C6: variants seen among roughly 807,000 people sequenced by gnomAD.
C6 encodes complement component C6.
A neutral mutation model predicts 112.9 loss-of-function variants in C6; 101 were observed. That is an observed-to-expected ratio of 0.89 (90% CI 0.76 to 1.06). C6 has a LOEUF of 1.06. C6 is among the 50% of genes least tolerant of loss of function. The pLI is 0.00. For missense variants in C6, 1,202 were observed against 1,104.6 expected, an observed-to-expected ratio of 1.09 and a Z score of -1.25; for synonymous variants, 431 against 384.1, an observed-to-expected ratio of 1.12 and a Z score of -1.43.
chr5:41,204,877 G>A (rs1751312444), intron 1 of C6, among the ~76,000 whole-genome samples: 1 of 151,906 alleles, frequency 6.6e-6, no homozygotes, highest in South Asian at 2.1e-4. Flanking sequence ...CACTGCGTTA[G>A]CCAGGGTGGT....
intron 1 of C6, among the ~76,000 whole-genome samples, chr5:41,220,655 G>T (rs1382831979): frequency 6.6e-6 from 1 of 151,870 alleles, no homozygotes; most frequent in Non-Finnish European, 1.5e-5. Context: ...ATGATGTTGG[G>T]CCTCTTTTCA....
chr5:41,214,575 T>C (rs886429053), upstream of C6, among the ~76,000 whole-genome samples: 2 of 152,158 alleles, frequency 1.3e-5, no homozygotes, highest in African/African-American at 4.8e-5. Context: ...AGTGGTGTGC[T>C]GCAGACCAGT....
intron 6 of C6, among the ~76,000 whole-genome samples, chr5:41,185,487 C>T (rs181723060): frequency 4.6e-5 from 7 of 152,226 alleles, no homozygotes; most frequent in Admixed American, 1.3e-4. Context: ...TTTAGTGCAA[C>T]GAGTATGGAG....
In C6 at chr5:41,153,969, C is replaced by T; in HGVS notation, c.2131G>A (p.Glu711Lys). The change falls in exon 15 of 18, where the codon GAA becomes AAA. Residue 711 changes from glutamate to lysine, a missense_variant. Coordinates refer to ENST00000337836, the MANE Select transcript of C6 (RefSeq NM_000065.5). ...TGAAATGGTGTAATTGTCAGGACTTCCTGCACAACTGGCTTGATGCACTCC... is the reference window on the plus strand; with the variant it reads ...TGAAATGGTGTAATTGTCAGGACTTTCTGCACAACTGGCTTGATGCACTCC... ...RTECIKPVVQ[E>K]VLTITPFQRL... The T allele has an allele frequency of 6.2e-7, 1 of 1,613,808 alleles. No individual in the cohort carries two copies. The highest frequency in any genetic ancestry group is 2.2e-5 in the East Asian group (1 of 44,842).
At chr5:41,249,624 C>A (rs1476200346) in intron 1 of C6, among the ~76,000 whole-genome samples, 1 of 152,170 alleles carries the variant, frequency 6.6e-6, no homozygotes, top group African/African-American at 2.4e-5. Flanking sequence ...TGAATATTGG[C>A]TAAATTGTTT....
chr5:41,160,968 A>G (rs1371773249), intron 10 of C6, among the ~76,000 whole-genome samples: 1 of 152,196 alleles, frequency 6.6e-6, no homozygotes, highest in African/African-American at 2.4e-5. Context: ...TTCTAGTGCA[A>G]TATGACTTGC....
At chr5:41,206,245 G>A (rs1030182925) in intron 1 of C6, among the ~76,000 whole-genome samples, 1 of 152,174 alleles carries the variant, frequency 6.6e-6, no homozygotes, top group Non-Finnish European at 1.5e-5. Flanking sequence ...ACCAAAGGTA[G>A]ATAAAACCAC....
chr5:41,232,934 G>A (rs1231089263), intron 1 of C6, among the ~76,000 whole-genome samples: 1 of 151,800 alleles, frequency 6.6e-6, no homozygotes, highest in African/African-American at 2.4e-5. Context: ...TGTAAACCCA[G>A]TATCTATTAC....
chr5:41,146,136 A>G (rs1745799936), intron 17 of C6, among the ~76,000 whole-genome samples: 1 of 152,132 alleles, frequency 6.6e-6, no homozygotes, highest in Admixed American at 6.5e-5. Context: ...TAAAACCATC[A>G]TCATGGCTGC....
At chr5:41,260,285 C>A (rs1270412103) in intron 1 of C6, among the ~76,000 whole-genome samples, 1 of 151,926 alleles carries the variant, frequency 6.6e-6, no homozygotes, top group African/African-American at 2.4e-5. Flanking sequence ...CACACACACG[C>A]CAGCTTTGTG....
At chr5:41,169,330 G>GGCACACACACACAC (rs1476473858) in intron 9 of C6, among the ~76,000 whole-genome samples, 2 of 151,496 alleles carry the variant, frequency 1.3e-5, no homozygotes, top group East Asian at 3.9e-4. Context: ...CACACACACA[G>GGCACACACACACAC]GCACACACAC....
chr5:41,232,567 C>A (rs13355636), intron 1 of C6, among the ~76,000 whole-genome samples: 1 of 151,936 alleles, frequency 6.6e-6, no homozygotes, highest in Non-Finnish European at 1.5e-5. Flanking sequence ...AGAAGTCATA[C>A]GAGGTTGTTT....
chr5:41,173,454 C>G (rs903044273), intron 8 of C6, among the ~76,000 whole-genome samples: 2 of 152,124 alleles, frequency 1.3e-5, no homozygotes, highest in Admixed American at 6.6e-5. Flanking sequence ...TCAACATTTT[C>G]TTTTTCTTAA....
chr5:41,182,266 T>C (rs562488220), intron 6 of C6, among the ~76,000 whole-genome samples: 32 of 138,150 alleles, frequency 2.3e-4, no homozygotes, highest in Middle Eastern at 3.8e-3. Flanking sequence ...CCCCCGCCCC[T>C]TTTTTTTTTT....
chr5:41,187,863 A>AT (rs1006220597), intron 5 of C6, among the ~76,000 whole-genome samples: 11 of 152,150 alleles, frequency 7.2e-5, no homozygotes, highest in Admixed American at 2.6e-4. Context: ...TATCTCTCCC[A>AT]TTTTTTCCAC....
At chr5:41,230,509 C>T (rs977376100) in intron 1 of C6, among the ~76,000 whole-genome samples, 5 of 152,088 alleles carry the variant, frequency 3.3e-5, no homozygotes, top group Admixed American at 2.0e-4. Context: ...ATTGGGAATT[C>T]CAGCCTGGTA....
rs1751035791 is a variant in C6, at chr5:41,201,612, G to A, written c.246C>T (p.Cys82=). 2.5e-6 allele frequency: 4 copies of A among 1,613,712 alleles called. No homozygotes were observed. Among genetic ancestry groups the A allele is most frequent in the Non-Finnish European group, 3.4e-6 (4 of 1,179,894 alleles). Residue 82 remains cysteine, a synonymous_variant, in exon 3 of 18, where the codon TGC becomes TGT. Transcript: ENST00000337836. ...ACCATGGTCCAAAATCTCCCAGGAGGCAGTTGATGGGGCATCTTTGCCAGT... is the reference window on the plus strand; with the variant it reads ...ACCATGGTCCAAAATCTCCCAGGAGACAGTTGATGGGGCATCTTTGCCAGT... ...ECNWQRCPIN[C]LLGDFGPWSD...
Position 41,158,803 on chromosome 5 carries a change from A to G in C6, c.1857-18T>C, listed in dbSNP as rs576436354. The G allele has an allele frequency of 5.1e-5, 67 of 1,318,520 alleles. 2 individuals carry two copies. In the South Asian group the frequency reaches 7.0e-4, roughly 14 times the overall value. 81.7% of individuals were successfully genotyped at this position (1,318,520 alleles called of 1,614,324 possible). On this transcript the variant is annotated intron_variant, in intron 12 of 17. Transcript: ENST00000337836. ...GTTGTCCACTAAAAGGGAAACATAA[A>G]TATGTGTGTATATGTATGTATGTAC...
intron 15 of C6, among the ~76,000 whole-genome samples, chr5:41,152,364 G>C (rs1480669780): frequency 6.6e-6 from 1 of 152,114 alleles, no homozygotes; most frequent in East Asian, 1.9e-4. Flanking sequence ...GGCCCACCTA[G>C]AGAACCTGGA....
Sources: allele counts gnomAD v4.1 joint callset (sites outside exome capture counted in the v4.1 genomes callset), GRCh38; gene constraint gnomAD v4.1.1; transcripts MANE v1.5; gene names NCBI Gene and HGNC (gene_info 2026-07-23, HGNC 2026-07-21).